Variants in KANK1 observed in about 807,000 individuals in gnomAD.
KANK1 encodes KN motif and ankyrin repeat domains 1, also known as KN motif and ankyrin repeat domain-containing protein 1.
In KANK1, 109 loss-of-function variants were observed where a neutral mutation model predicts 106.2. The ratio of observed to expected loss-of-function variants is 1.03; its 90% CI spans 0.88 to 1.20. The LOEUF is 1.20. Among genes scored for constraint, KANK1 ranks in the 50% most tolerant of loss-of-function variants. The pLI is 0.00. For missense variants in KANK1, 2,399 were observed against 1,710.7 expected (o/e 1.40, Z -7.10); for synonymous variants, 873 against 652.2 (o/e 1.34, Z -5.16).
chr9:643,750 T>C (rs901802232), intron 1 of KANK1, among the ~76,000 whole-genome samples: 6 of 150,388 alleles, frequency 4.0e-5, no homozygotes, highest in Non-Finnish European at 7.4e-5. Flanking sequence ...TTGCCCAGGC[T>C]GGAGTGCAGT....
rs773241903 is a variant in KANK1 at position 712,049 on chromosome 9, G to C, written c.1283G>C (p.Gly428Ala). The change falls in exon 3 of 12, where the codon GGG (glycine) becomes GCG (alanine). Residue 428 changes from glycine (G) to alanine (A), a missense_variant. Coordinates refer to ENST00000382297, the MANE Select transcript of KANK1 (RefSeq NM_015158.5). Reference sequence around the variant, plus strand: ...AGGTCCTGTAAGGATGCAGCTGTAGGGACACTTGTTGAGATGAGAAATTGT... The same window carrying C: ...AGGTCCTGTAAGGATGCAGCTGTAGCGACACTTGTTGAGATGAGAAATTGT... ...GSRSCKDAAVGTLVEMRNCGV... is the reference protein window; with the variant it reads ...GSRSCKDAAVATLVEMRNCGV... 1 of 1,614,000 alleles carries C rather than the reference G, an allele frequency of 6.2e-7. No homozygotes were observed. The highest frequency in any genetic ancestry group is 8.5e-7 in the Non-Finnish European group (1 of 1,180,028).
rs55997819 is a variant in KANK1, at chr9:727,680, A to ATGTGTGTGTGTGTGTG, written c.2699-2349_2699-2334dup. Reference sequence around the variant, plus strand: ...TTAGCACAGAGTCAGATAACTTTTCATGTGTGTGTGTGTGTGTGTGTGTGT... The same window carrying ATGTGTGTGTGTGTGTG: ...TTAGCACAGAGTCAGATAACTTTTCATGTGTGTGTGTGTGTGTGTGTGTGTGTGTGTGTGTGTGTGT... On this transcript the variant is annotated intron_variant, in intron 3 of 11. Coordinates refer to ENST00000382297, the MANE Select transcript of KANK1 (RefSeq NM_015158.5). Among the ~76,000 whole-genome samples, 252 of 139,758 alleles carry ATGTGTGTGTGTGTGTG rather than the reference A, an allele frequency of 1.8e-3. 4 individuals carry two copies. Among genetic ancestry groups the ATGTGTGTGTGTGTGTG allele is most frequent in the African/African-American group, 6.3e-3 (237 of 37,660 alleles). 91.7% of individuals were successfully genotyped at this position (139,758 alleles called of 152,430 possible). A position where few individuals can be genotyped will look rare whatever the true frequency, so the allele number is the denominator to read the frequency against.
chr9:663,235 A>T (rs1843769586), intron 1 of KANK1, among the ~76,000 whole-genome samples: 1 of 152,188 alleles, frequency 6.6e-6, no homozygotes, highest in Non-Finnish European at 1.5e-5. Flanking sequence ...AAACTAACTT[A>T]TATCTGTGGC....
intron 1 of KANK1, among the ~76,000 whole-genome samples, chr9:628,386 T>G (rs1246891391): frequency 6.6e-6 from 1 of 151,150 alleles, no homozygotes; most frequent in Non-Finnish European, 1.5e-5. Flanking sequence ...CCTGAATAAC[T>G]CCTGTAATGG....
chr9:636,164 T>TTAGGGCC (rs1837090625), intron 1 of KANK1, among the ~76,000 whole-genome samples: 1 of 152,168 alleles, frequency 6.6e-6, no homozygotes, highest in Non-Finnish European at 1.5e-5. Flanking sequence ...TTGGCCTGGG[T>TTAGGGCC]TAGGGCCTAG....
chr9:634,283 G>A (rs1010114786), intron 1 of KANK1, among the ~76,000 whole-genome samples: 1 of 152,152 alleles, frequency 6.6e-6, no homozygotes, highest in African/African-American at 2.4e-5. Context: ...TGAAATCATA[G>A]GGATGTGCAA....
chr9:604,823 C>A (rs903221), intron 1 of KANK1, among the ~76,000 whole-genome samples: 1 of 151,408 alleles, frequency 6.6e-6, no homozygotes, highest in African/African-American at 2.4e-5. Flanking sequence ...GAGTGAGACT[C>A]TCTCAAAAAA....
At chr9:679,402 T>G (rs1409870330) in intron 2 of KANK1, among the ~76,000 whole-genome samples, 2 of 151,028 alleles carry the variant, frequency 1.3e-5, no homozygotes, top group African/African-American at 2.4e-5. Flanking sequence ...ACCATATATA[T>G]GACACTCATA....
chr9:585,537 T>G (rs889253787), intron 1 of KANK1, among the ~76,000 whole-genome samples: 9 of 152,066 alleles, frequency 5.9e-5, no homozygotes, highest in Non-Finnish European at 1.3e-4. Context: ...ACAGAACCGA[T>G]CCAAAAAATA....
At chr9:630,054 C>T (rs10815371) in intron 1 of KANK1, among the ~76,000 whole-genome samples, 22,507 of 150,644 alleles carry the variant, frequency 0.15, 1,870 homozygotes, top group Admixed American at 0.18. Context: ...TCAAGACCAC[C>T]CTGGCCAACA....
At chr9:608,031 A>ATTTTTTTTTTTTTTTTT (rs1175822024) in intron 1 of KANK1, among the ~76,000 whole-genome samples, 3 of 88,100 alleles carry the variant, frequency 3.4e-5, no homozygotes, top group Non-Finnish European at 4.9e-5. Flanking sequence ...TATTATTATT[A>ATTTTTTTTTTTTTTTTT]TTATTTTTTT....
intron 3 of KANK1, among the ~76,000 whole-genome samples, chr9:483,209 C>T (rs749940169): frequency 1.2e-4 from 18 of 152,160 alleles, no homozygotes; most frequent in South Asian, 8.3e-4. Context: ...GGGTTCAGTA[C>T]AATCCATGGT....
intron 1 of KANK1, among the ~76,000 whole-genome samples, chr9:632,968 A>G (rs1023144123): frequency 6.6e-6 from 1 of 151,032 alleles, no homozygotes; most frequent in Non-Finnish European, 1.5e-5. Flanking sequence ...TGCTGGGATT[A>G]CAGGCGTGAG....
chr9:689,116 C>G (rs1819255268), intron 2 of KANK1, among the ~76,000 whole-genome samples: 1 of 152,144 alleles, frequency 6.6e-6, no homozygotes, highest in Non-Finnish European at 1.5e-5. Flanking sequence ...TTTCTTAATG[C>G]TGATTTCAAA....
rs545064355 is a variant in KANK1 at position 665,448 on chromosome 9, G to C, written c.-83-11442G>C. On this transcript the variant is annotated intron_variant, in intron 1 of 11. Transcript: ENST00000382297. ...GTCCTTTCCCTGTTGCATATTGTTG[G>C]CACCTCTGTCAAAAATTAGTTGGCT... is the stretch of plus-strand genomic sequence containing the variant. 2.6e-5 allele frequency among the ~76,000 whole-genome samples: 4 copies of C among 152,084 alleles called. 1 individual carries two copies. The highest frequency in any genetic ancestry group is 4.4e-5 in the Non-Finnish European group (3 of 68,008).
At chr9:616,890 A>G (rs1831969965) in intron 1 of KANK1, among the ~76,000 whole-genome samples, 1 of 152,178 alleles carries the variant, frequency 6.6e-6, no homozygotes, top group Admixed American at 6.5e-5. Flanking sequence ...TATTTCTGCT[A>G]CCACTTCATT....
chr9:727,819 T>C (rs1338626040), intron 3 of KANK1, among the ~76,000 whole-genome samples: 2 of 151,998 alleles, frequency 1.3e-5, no homozygotes, highest in African/African-American at 4.8e-5. Context: ...TTTTTCCACA[T>C]CACCCACATT....
At chr9:578,417 A>G (rs1821171616) in intron 1 of KANK1, among the ~76,000 whole-genome samples, 1 of 152,062 alleles carries the variant, frequency 6.6e-6, no homozygotes, top group Non-Finnish European at 1.5e-5. Context: ...GACATGGACC[A>G]CAGACAATTA....
intron 1 of KANK1, among the ~76,000 whole-genome samples, chr9:583,831 C>T (rs1371771601): frequency 1.3e-5 from 2 of 151,750 alleles, no homozygotes; most frequent in African/African-American, 4.8e-5. Flanking sequence ...AAATAGAGAA[C>T]ATGAACAAGA....
Sources: allele counts gnomAD v4.1 joint callset (sites outside exome capture counted in the v4.1 genomes callset), GRCh38; gene constraint gnomAD v4.1.1; transcripts MANE v1.5; gene names NCBI Gene and HGNC (gene_info 2026-07-23, HGNC 2026-07-21).